The following DMD variants were observed in gnomAD, a reference collection of about 807,000 sequenced individuals.
The protein encoded by DMD is mutant dystrophin.
DMD carries 63 observed loss-of-function variants against 330.1 expected under a neutral mutation model. That is an observed-to-expected ratio of 0.19 (90% CI 0.16 to 0.24). DMD has a LOEUF of 0.24. Ranked by LOEUF, DMD falls within the 10% of genes least tolerant of loss-of-function variation. DMD has a pLI of 1.00. For missense variants in DMD, 3,344 were observed against 2,684.1 expected (o/e 1.25, Z -5.43); for synonymous variants, 1,223 against 959.8 (o/e 1.27, Z -5.07).
chrX:32,098,739 T>A (rs1202659962), intron 44 of DMD, among the ~76,000 whole-genome samples: 1 of 112,002 alleles, frequency 8.9e-6, no homozygotes, highest in African/African-American at 3.2e-5. Context: ...CTAAATATGA[T>A]CACTTCAATC....
At chrX:32,947,791 G>T (rs981624724) in intron 2 of DMD, among the ~76,000 whole-genome samples, 2 of 111,088 alleles carry the variant, frequency 1.8e-5, no homozygotes, top group South Asian at 3.8e-4. Context: ...CTCTAATGAG[G>T]ATTCTCAGTT....
intron 2 of DMD, among the ~76,000 whole-genome samples, chrX:32,933,471 C>A (rs2089756182): frequency 8.9e-6 from 1 of 111,895 alleles, no homozygotes; most frequent in African/African-American, 3.3e-5. Context: ...GACTAAGGAG[C>A]TAGAAGATCT....
chrX:32,283,270 C>T lies in DMD; in HGVS notation c.6290+4259G>A, dbSNP rs367981424. Among the ~76,000 whole-genome samples, 5 of 111,945 alleles carry T rather than the reference C, an allele frequency of 4.5e-5. No homozygotes were observed. In the East Asian group the frequency reaches 1.1e-3, roughly 25 times the overall value. On this transcript the variant is annotated intron_variant, in intron 43 of 78. Coordinates refer to ENST00000357033, the MANE Select transcript of DMD (RefSeq NM_004006.3). ...AAGTAACCTAAACAGCCAGAAATGC[C>T]TGTTGTTTTCAGTCAGCAAGTTCTA... is the stretch of plus-strand genomic sequence containing the variant.
At chrX:31,620,947 T>A (rs949998574) in intron 55 of DMD, among the ~76,000 whole-genome samples, 1 of 112,069 alleles carries the variant, frequency 8.9e-6, no homozygotes, top group African/African-American at 3.2e-5. Flanking sequence ...TTTATTTCTA[T>A]GGCTTCCATG....
intron 1 of DMD, among the ~76,000 whole-genome samples, chrX:33,094,529 G>A (rs777785453): frequency 5.4e-5 from 6 of 111,797 alleles, no homozygotes; most frequent in East Asian, 2.8e-4. Flanking sequence ...CAAGAAGGCC[G>A]GGCGCGGTGG....
intron 1 of DMD, among the ~76,000 whole-genome samples, chrX:33,297,800 G>A (rs2053605177): frequency 9.0e-6 from 1 of 110,864 alleles, no homozygotes; most frequent in African/African-American, 3.3e-5. Flanking sequence ...GTAGGGAGTA[G>A]AATAGCGGTT....
At chrX:32,598,157 G>A (rs947623847) in intron 12 of DMD, among the ~76,000 whole-genome samples, 4 of 111,811 alleles carry the variant, frequency 3.6e-5, no homozygotes, top group Admixed American at 1.9e-4. Flanking sequence ...TTTTTACTTC[G>A]TCTCTCTAGA....
intron 2 of DMD, among the ~76,000 whole-genome samples, chrX:32,977,469 G>C (rs1361551725): frequency 1.8e-5 from 2 of 110,767 alleles, no homozygotes; most frequent in Non-Finnish European, 3.8e-5. Flanking sequence ...TCATTACAGG[G>C]CTTTCCTTCA....
chrX:32,033,586 C>CAAGA lies in DMD; in HGVS notation c.6439-65076_6439-65073dup, dbSNP rs1569534588. ...AAACTGCTTGCACTATTTAAAAAAA[C>CAAGA]AAGACAGACAGACAGACAGAAAGAA... On this transcript the variant is annotated intron_variant, in intron 44 of 78. Coordinates refer to ENST00000357033, the MANE Select transcript of DMD (RefSeq NM_004006.3). Among the ~76,000 whole-genome samples the CAAGA allele has an allele frequency of 6.5e-5, 3 of 46,204 alleles. 1 individual carries two copies. The highest frequency in any genetic ancestry group is 1.2e-4 in the Non-Finnish European group (3 of 24,057). 40.1% of individuals were successfully genotyped at this position (46,204 alleles called of 115,157 possible).
At chrX:32,883,594 C>A (rs1188322659) in intron 2 of DMD, among the ~76,000 whole-genome samples, 1 of 109,642 alleles carries the variant, frequency 9.1e-6, no homozygotes, top group African/African-American at 3.3e-5. Flanking sequence ...GGAGGCCGAG[C>A]CAGGTGGATC....
At chrX:31,670,712 G>A (rs1346450973) in intron 53 of DMD, among the ~76,000 whole-genome samples, 1 of 111,403 alleles carries the variant, frequency 9.0e-6, no homozygotes, top group Non-Finnish European at 1.9e-5. Flanking sequence ...ATCACATGGT[G>A]TTTTTCCCGT....
At chrX:32,033,534 T>A (rs1197501365) in intron 44 of DMD, among the ~76,000 whole-genome samples, 1 of 106,092 alleles carries the variant, frequency 9.4e-6, no homozygotes, top group Non-Finnish European at 1.9e-5. Flanking sequence ...GCTATTTGAG[T>A]TTTTTCCAAA....
chrX:32,982,321 G>A (rs200019979), intron 2 of DMD, among the ~76,000 whole-genome samples: 1 of 111,455 alleles, frequency 9.0e-6, no homozygotes, highest in East Asian at 2.8e-4. Flanking sequence ...ACCTAGCACT[G>A]TACATGACAC....
At chrX:32,611,953 A>G (rs2057209457) in intron 12 of DMD, among the ~76,000 whole-genome samples, 1 of 111,936 alleles carries the variant, frequency 8.9e-6, no homozygotes. Context: ...GAAAATGACA[A>G]TTTAGTTAGT....
intron 9 of DMD, among the ~76,000 whole-genome samples, chrX:32,679,525 C>G (rs1195804902): frequency 9.0e-6 from 1 of 110,521 alleles, no homozygotes; most frequent in East Asian, 2.8e-4. Flanking sequence ...TTCTTAAAGT[C>G]TAGGGGAAAC....
intron 44 of DMD, among the ~76,000 whole-genome samples, chrX:32,174,467 T>C (rs1813197452): frequency 8.9e-6 from 1 of 112,364 alleles, no homozygotes; most frequent in Non-Finnish European, 1.9e-5. Flanking sequence ...GCCATTTTTG[T>C]AAATAAAGTT....
chrX:32,861,395 A>ATTAC (rs2082062101), intron 2 of DMD, among the ~76,000 whole-genome samples: 1 of 106,725 alleles, frequency 9.4e-6, no homozygotes, highest in East Asian at 2.8e-4. Flanking sequence ...AAAAACATTA[A>ATTAC]ATAAATTACA....
At chrX:31,154,710 T>C (rs926890158) in intron 74 of DMD, among the ~76,000 whole-genome samples, 1 of 111,804 alleles carries the variant, frequency 8.9e-6, no homozygotes, top group African/African-American at 3.3e-5. Flanking sequence ...GATTCTCTAA[T>C]TGTTAGAATG....
chrX:31,188,295 G>A (rs367729904), intron 67 of DMD, among the ~76,000 whole-genome samples: 1 of 112,063 alleles, frequency 8.9e-6, no homozygotes, highest in Non-Finnish European at 1.9e-5. Flanking sequence ...GCAAGCTTCT[G>A]TAAAGACCTA....
Sources: allele counts gnomAD v4.1 joint callset (sites outside exome capture counted in the v4.1 genomes callset), GRCh38; gene constraint gnomAD v4.1.1; transcripts MANE v1.5; gene names NCBI Gene and HGNC (gene_info 2026-07-23, HGNC 2026-07-21).